The following TOM1 variants were observed in gnomAD, a reference collection of about 807,000 sequenced individuals.
TOM1 encodes target of Myb protein 1.
TOM1 carries 38 observed loss-of-function variants against 61.3 expected under a neutral mutation model. The observed-to-expected ratio is 0.62, with a 90% confidence interval of 0.48 to 0.81. The LOEUF (loss-of-function observed/expected upper bound fraction) is 0.81. Among genes scored for constraint, TOM1 ranks in the 40% least tolerant of loss-of-function variants. The probability of loss-of-function intolerance (pLI) is 0.00; values close to 1 mark genes in which losing one functional copy is unlikely to be tolerated. For missense variants in TOM1, 591 were observed against 659.6 expected, an observed-to-expected ratio of 0.90 and a Z score of 1.14; for synonymous variants, 270 against 268.8, an observed-to-expected ratio of 1.00 and a Z score of -0.04.
chr22:35,337,686 C>T (rs1929492540), intron 11 of TOM1, among the ~76,000 whole-genome samples: 1 of 152,250 alleles, frequency 6.6e-6, no homozygotes, highest in African/African-American at 2.4e-5. Flanking sequence ...GATGCAGTCC[C>T]AGTTCCTGAA....
In TOM1 at chr22:35,323,053, G is replaced by A. The variant is rs1341902250; in HGVS notation, c.242G>A (p.Cys81Tyr). 6.2e-7 allele frequency: 1 copy of A among 1,614,138 alleles called. No individual in the cohort carries two copies. Among genetic ancestry groups the A allele is most frequent in the Non-Finnish European group, 8.5e-7 (1 of 1,180,038 alleles). ...GTCTTAGAAACCTGTGTCAAGAACT[G>A]CGGGCACCGCTTCCACGTGCTGGTG... ...LTVLETCVKNCGHRFHVLVAS... is the reference protein window; with the variant it reads ...LTVLETCVKNYGHRFHVLVAS... Residue 81 changes from cysteine (C) to tyrosine (Y), a missense_variant, in exon 4 of 15, where the codon TGC (cysteine) becomes TAC (tyrosine). Physicochemically the swap from Cys to Tyr is radical, Grantham distance 194. Coordinates refer to ENST00000449058, the MANE Select transcript of TOM1 (RefSeq NM_005488.3). The surrounding 1 kb of genome is among the most constrained non-coding windows in gnomAD (Gnocchi z 4.2).
chr22:35,347,520 G>GT lies in TOM1; in HGVS notation c.*312dup, dbSNP rs1479354039. The GT allele has an allele frequency of 1.8e-5, 5 of 279,264 alleles. No homozygotes were observed. The East Asian group carries it at 2.9e-4, about 16-fold the overall frequency. The allele number at this position is 279,264 out of a possible 1,614,324, so 17.3% of individuals were successfully genotyped here. A position where few individuals can be genotyped will look rare whatever the true frequency, so the allele number is the denominator to read the frequency against. On this transcript the variant is annotated 3_prime_UTR_variant, in exon 15 of 15. Transcript: ENST00000449058. Reference sequence around the variant, plus strand: ...GCTGGCTGGCTGGCTGCTTGACCCAGTGTGACTCTCCTTCACTGAGTGATA... The same window carrying GT: ...GCTGGCTGGCTGGCTGCTTGACCCAGTTGTGACTCTCCTTCACTGAGTGATA...
At chr22:35,340,084 T>A (rs1283396055) in intron 12 of TOM1, among the ~76,000 whole-genome samples, 2 of 152,224 alleles carry the variant, frequency 1.3e-5, no homozygotes, top group African/African-American at 4.8e-5. Flanking sequence ...CTCATGCATG[T>A]CAACGTGTAT....
chr22:35,332,538 A>G (rs530877444), intron 8 of TOM1, among the ~76,000 whole-genome samples: 1 of 152,230 alleles, frequency 6.6e-6, no homozygotes, highest in South Asian at 2.1e-4. Flanking sequence ...TCCATAAAAC[A>G]AGATTAGAGA....
rs1173891230 is a variant in TOM1, at chr22:35,323,402, C to A, written c.367-94C>A. On this transcript the variant is annotated intron_variant, in intron 4 of 14. Coordinates refer to ENST00000449058, the MANE Select transcript of TOM1 (RefSeq NM_005488.3). The surrounding 1 kb of genome is among the most constrained non-coding windows in gnomAD (Gnocchi z 4.2). ...GATGTAGTTAAAAAAAAAAAAAAAG[C>A]AGGGAAAGAATGTCTGTTCTCTGTC... 2.8e-6 allele frequency: 4 copies of A among 1,426,340 alleles called. No individual in the cohort carries two copies. Among genetic ancestry groups the A allele is most frequent in the South Asian group, 2.6e-5 (2 of 76,432 alleles). The allele number at this position is 1,426,340 out of a possible 1,614,324, so 88.4% of individuals were successfully genotyped here.
At chr22:35,319,361 G>A (rs577313026) in intron 2 of TOM1, among the ~76,000 whole-genome samples, 2 of 152,300 alleles carry the variant, frequency 1.3e-5, no homozygotes, top group Admixed American at 1.3e-4. Context: ...GTGATCAAAG[G>A]CAGGCATGAC....
intron 12 of TOM1, among the ~76,000 whole-genome samples, chr22:35,339,637 G>A (rs1292878956): frequency 6.6e-6 from 1 of 151,778 alleles, no homozygotes; most frequent in Non-Finnish European, 1.5e-5. Flanking sequence ...AGGCGCAGTG[G>A]CTCACGCCTG....
At chr22:35,326,929 G>A (rs1601693480) in intron 6 of TOM1, among the ~76,000 whole-genome samples, 1 of 152,188 alleles carries the variant, frequency 6.6e-6, no homozygotes, top group African/African-American at 2.4e-5. Flanking sequence ...GGCCTGCAGC[G>A]TCCCTCCCCG....
intron 1 of TOM1, among the ~76,000 whole-genome samples, chr22:35,303,522 T>G (rs1169764452): frequency 4.7e-5 from 7 of 148,016 alleles, no homozygotes; most frequent in Non-Finnish European, 1.0e-4. Flanking sequence ...TTTTTTTTTT[T>G]GAGACAGAGT....
chr22:35,304,200 C>T (rs559043579), intron 1 of TOM1, among the ~76,000 whole-genome samples: 6 of 152,170 alleles, frequency 3.9e-5, no homozygotes, highest in Non-Finnish European at 5.9e-5. Flanking sequence ...CACACTGCCT[C>T]GAGCTGCCCA....
intron 6 of TOM1, among the ~76,000 whole-genome samples, chr22:35,326,895 T>C (rs1299545850): frequency 6.6e-6 from 1 of 152,078 alleles, no homozygotes; most frequent in East Asian, 1.9e-4. Context: ...AGAATCCCAG[T>C]CCTCTAGTGG....
At chr22:35,326,817 A>G (rs552701942) in intron 6 of TOM1, among the ~76,000 whole-genome samples, 26 of 151,208 alleles carry the variant, frequency 1.7e-4, no homozygotes, top group South Asian at 6.3e-4. Context: ...GAGGAGAGAG[A>G]GGGGGGGATC....
chr22:35,332,168 T>A (rs1372620061), intron 8 of TOM1, among the ~76,000 whole-genome samples: 1 of 152,208 alleles, frequency 6.6e-6, no homozygotes, highest in African/African-American at 2.4e-5. Flanking sequence ...GCAGGTCACG[T>A]CTGCCTAGCT....
At chr22:35,308,657 C>T (rs1168614154) in intron 1 of TOM1, among the ~76,000 whole-genome samples, 1 of 152,186 alleles carries the variant, frequency 6.6e-6, no homozygotes, top group Non-Finnish European at 1.5e-5. Context: ...GTCAGCAATA[C>T]CTTTTACACT....
intron 2 of TOM1, among the ~76,000 whole-genome samples, chr22:35,321,001 A>AAT (rs397703691): frequency 6.7e-6 from 1 of 149,444 alleles, no homozygotes; most frequent in East Asian, 2.0e-4. Flanking sequence ...AAAAAAAAAA[A>AAT]CTTGAATGGA....
At chr22:35,304,482 T>A (rs1251969760) in intron 1 of TOM1, among the ~76,000 whole-genome samples, 1 of 152,154 alleles carries the variant, frequency 6.6e-6, no homozygotes, top group Non-Finnish European at 1.5e-5. Flanking sequence ...TTGTTTTTTG[T>A]TTTTTGTTTT....
chr22:35,318,803 C>T (rs555034390), intron 2 of TOM1, among the ~76,000 whole-genome samples: 1 of 152,380 alleles, frequency 6.6e-6, no homozygotes, highest in Non-Finnish European at 1.5e-5. Context: ...ACGAGGCCTC[C>T]ATCCTGAGAA....
intron 1 of TOM1, among the ~76,000 whole-genome samples, chr22:35,313,476 T>A (rs1427680026): frequency 6.6e-6 from 1 of 152,250 alleles, no homozygotes; most frequent in Non-Finnish European, 1.5e-5. Flanking sequence ...GTAGCTCGGT[T>A]ACTCATTGCT....
At chr22:35,311,985 T>G (rs187165164) in intron 1 of TOM1, among the ~76,000 whole-genome samples, 1 of 152,224 alleles carries the variant, frequency 6.6e-6, no homozygotes, top group East Asian at 1.9e-4. Flanking sequence ...CTGGGCACGG[T>G]GGCTCACGCC....
Sources: allele counts gnomAD v4.1 joint callset (sites outside exome capture counted in the v4.1 genomes callset), GRCh38; gene constraint gnomAD v4.1.1; non-coding constraint Gnocchi (gnomAD v3.1); transcripts MANE v1.5; gene names NCBI Gene and HGNC (gene_info 2026-07-23, HGNC 2026-07-21).